The following ARFGEF3 variants were observed in gnomAD, a reference collection of about 807,000 sequenced individuals.
ARFGEF3 encodes the protein brefeldin A-inhibited guanine nucleotide-exchange protein 3.
Under a neutral mutation model 221.7 loss-of-function variants are expected in ARFGEF3, and 96 were observed. The ratio of observed to expected loss-of-function variants is 0.43; its 90% confidence interval spans 0.37 to 0.51. The LOEUF is 0.51. Ranked by LOEUF, ARFGEF3 falls within the 20% of genes least tolerant of loss-of-function variation. ARFGEF3 has a pLI of 0.00. For synonymous variants in ARFGEF3, 1,145 were observed against 1,126.8 expected, an observed-to-expected ratio of 1.02 and a Z score of -0.32; for missense variants, 2,410 against 2,789.9, an observed-to-expected ratio of 0.86 and a Z score of 3.07.
intron 12 of ARFGEF3, among the ~76,000 whole-genome samples, chr6:138,264,730 T>C (rs182253530): frequency 6.6e-6 from 1 of 152,276 alleles, no homozygotes; most frequent in East Asian, 1.9e-4. Flanking sequence ...TAACAAAACT[T>C]CACACACATA....
chr6:138,242,158 A>C (rs1778403901), intron 6 of ARFGEF3, among the ~76,000 whole-genome samples: 1 of 152,156 alleles, frequency 6.6e-6, no homozygotes, highest in Non-Finnish European at 1.5e-5. Flanking sequence ...TTAAATCAGC[A>C]CCATGGGATG....
chr6:138,245,060 G>A (rs1196879159), intron 7 of ARFGEF3, among the ~76,000 whole-genome samples: 1 of 152,184 alleles, frequency 6.6e-6, no homozygotes, highest in Admixed American at 6.5e-5. Flanking sequence ...CCAACACTTT[G>A]GGAGGCCGAG....
chr6:138,269,641 T>C (rs1201337765), intron 12 of ARFGEF3, among the ~76,000 whole-genome samples: 1 of 152,058 alleles, frequency 6.6e-6, no homozygotes, highest in Non-Finnish European at 1.5e-5. Context: ...AAACCCCGTC[T>C]GTACTAAAAA....
chr6:138,210,535 C>T (rs1052971301), intron 4 of ARFGEF3, among the ~76,000 whole-genome samples: 4 of 151,690 alleles, frequency 2.6e-5, no homozygotes, highest in Non-Finnish European at 4.4e-5. Context: ...TTCCAAGTAC[C>T]GCCTTCCTTT....
chr6:138,249,875 G>A (rs1208383620), intron 8 of ARFGEF3, among the ~76,000 whole-genome samples: 2 of 152,150 alleles, frequency 1.3e-5, no homozygotes, highest in African/African-American at 4.8e-5. Context: ...TTTTGCTAAA[G>A]ATGCTGGGGG....
chr6:138,327,271 GA>G (rs1419704871), intron 31 of ARFGEF3, among the ~76,000 whole-genome samples: 1 of 151,942 alleles, frequency 6.6e-6, no homozygotes, highest in Non-Finnish European at 1.5e-5. Flanking sequence ...ACTTGAAAAA[GA>G]AAGGAAAAAA....
At chr6:138,305,352 G>C (rs1386906175) in intron 22 of ARFGEF3, among the ~76,000 whole-genome samples, 2 of 151,610 alleles carry the variant, frequency 1.3e-5, no homozygotes, top group Admixed American at 1.3e-4. Context: ...TGTAATCCCA[G>C]AATTTTGGGA....
At chr6:138,195,401 A>G (rs986392252) in intron 2 of ARFGEF3, among the ~76,000 whole-genome samples, 6 of 152,202 alleles carry the variant, frequency 3.9e-5, no homozygotes, top group Admixed American at 1.3e-4. Flanking sequence ...CCACATTCCC[A>G]AAAGGCAAAG....
In ARFGEF3 at chr6:138,308,741, A is replaced by G. The variant is rs1779771792; in HGVS notation, c.3976A>G (p.Lys1326Glu). 1.2e-6 allele frequency: 2 copies of G among 1,613,964 alleles called. No homozygotes were observed. The highest frequency in any genetic ancestry group is 1.7e-6 in the Non-Finnish European group (2 of 1,179,866). Residue 1326 changes from lysine (K) to glutamate (E), a missense_variant and splice_region_variant, in exon 24 of 34, where the codon AAA becomes GAA. By Grantham distance (56) the Lys-to-Glu change is moderately conservative. Transcript: ENST00000251691. ...EYLVGDYSMG[K>E]GQAPVFDVFE... ...ATTCTATAATCTTCCTCCCTTAGGA[A>G]AAGGCCAAGCTCCAGTGTTTGATGT...
intron 2 of ARFGEF3, 87 bp from the exon 3 acceptor site, chr6:138,206,955 T>G: frequency 2.1e-6 from 2 of 941,152 alleles, no homozygotes; most frequent in Non-Finnish European, 3.4e-6. Flanking sequence ...TGTAGTGGCA[T>G]TTGGGGGTGG....
intron 27 of ARFGEF3, among the ~76,000 whole-genome samples, chr6:138,319,118 ATTT>A (rs56283991): frequency 7.2e-6 from 1 of 139,758 alleles, no homozygotes. Flanking sequence ...TGCCCAGCTA[ATTT>A]TTTTTTTTTT....
chr6:138,227,994 C>T (rs962721339), intron 4 of ARFGEF3, among the ~76,000 whole-genome samples: 3 of 152,162 alleles, frequency 2.0e-5, no homozygotes, highest in African/African-American at 4.8e-5. Flanking sequence ...AAGACATAGC[C>T]TCCCTCCAAG....
At chr6:138,273,719 C>T (rs1463767860) in intron 12 of ARFGEF3, among the ~76,000 whole-genome samples, 2 of 152,226 alleles carry the variant, frequency 1.3e-5, no homozygotes, top group South Asian at 4.2e-4. Flanking sequence ...GGGCACTTTC[C>T]TTACTGGTAA....
At chr6:138,335,974 G>A (rs1485701516) in intron 33 of ARFGEF3, among the ~76,000 whole-genome samples, 1 of 151,992 alleles carries the variant, frequency 6.6e-6, no homozygotes, top group Non-Finnish European at 1.5e-5. Flanking sequence ...TTAACGGCCT[G>A]TGGAGATCTC....
At chr6:138,245,336 A>C (rs1228593297) in intron 7 of ARFGEF3, among the ~76,000 whole-genome samples, 177 bp from the exon 8 acceptor site, 1 of 152,054 alleles carries the variant, frequency 6.6e-6, no homozygotes, top group African/African-American at 2.4e-5. Context: ...GAATAATCAC[A>C]CTTAATTCTT....
chr6:138,255,615 C>G lies in ARFGEF3; in HGVS notation c.950C>G (p.Pro317Arg). 2 of 1,613,992 alleles carry G rather than the reference C, an allele frequency of 1.2e-6. No individual in the cohort carries two copies. Among genetic ancestry groups the G allele is most frequent in the South Asian group, 2.2e-5 (2 of 91,084 alleles). ...CSCTAPALSGPVARTIYYIAA... is the reference protein window; with the variant it reads ...CSCTAPALSGRVARTIYYIAA... ...TGCACTGCGCCGGCCCTGAGCGGAC[C>G]TGTGGCTCGGACTATCTATTACATC... is the stretch of plus-strand genomic sequence containing the variant. The change falls in exon 10 of 34, where the codon CCT (proline) becomes CGT (arginine). Residue 317 changes from proline to arginine, a missense_variant. Pro to Arg is a moderately radical substitution (Grantham distance 103). This residue lies in a region of ARFGEF3 where 570 missense variants were observed against 586.9 expected (regional missense o/e 0.97). Transcript: ENST00000251691.
intron 22 of ARFGEF3, among the ~76,000 whole-genome samples, chr6:138,301,094 A>T (rs182100380): frequency 6.6e-6 from 1 of 152,344 alleles, no homozygotes; most frequent in East Asian, 1.9e-4. Flanking sequence ...AGATTTTAAA[A>T]TAACAGTGCT....
At chr6:138,326,390 C>G (rs1172084402) in intron 31 of ARFGEF3, among the ~76,000 whole-genome samples, 1 of 152,100 alleles carries the variant, frequency 6.6e-6, no homozygotes, top group Non-Finnish European at 1.5e-5. Context: ...CAAGACCAGC[C>G]TAGGCAATAC....
intron 8 of ARFGEF3, 39 bp downstream of exon 8, chr6:138,245,630 G>A (rs1174994531): frequency 1.4e-6 from 2 of 1,438,724 alleles, no homozygotes. Flanking sequence ...TTTACCAGTG[G>A]TCTACTTCTG....
Sources: allele counts gnomAD v4.1 joint callset (sites outside exome capture counted in the v4.1 genomes callset), GRCh38; gene constraint gnomAD v4.1.1; regional missense constraint gnomAD v4.1.1; transcripts MANE v1.5; gene names NCBI Gene and HGNC (gene_info 2026-07-23, HGNC 2026-07-21).